Variants in CALD1 observed in about 807,000 individuals in gnomAD.
The protein encoded by CALD1 is caldesmon 1.
A neutral mutation model predicts 99.9 loss-of-function variants in CALD1; 33 were observed. The ratio of observed to expected loss-of-function variants is 0.33; its 90% CI spans 0.25 to 0.44. The LOEUF (loss-of-function observed/expected upper bound fraction) is 0.44. CALD1 is among the 20% of genes least tolerant of loss of function. CALD1 has a pLI of 1.00. For missense variants in CALD1, 861 were observed against 962.1 expected, an observed-to-expected ratio of 0.89 and a Z score of 1.39; for synonymous variants, 310 against 325.0, an observed-to-expected ratio of 0.95 and a Z score of 0.50.
At chr7:134,842,602 G>T (rs1490561146) in intron 1 of CALD1, among the ~76,000 whole-genome samples, 1 of 152,128 alleles carries the variant, frequency 6.6e-6, no homozygotes, top group Non-Finnish European at 1.5e-5. Flanking sequence ...TTTTGTAAAG[G>T]ATCCCTAATT....
intron 1 of CALD1, among the ~76,000 whole-genome samples, chr7:134,836,942 C>A (rs1239407022): frequency 6.6e-6 from 1 of 151,938 alleles, no homozygotes; most frequent in South Asian, 2.1e-4. Flanking sequence ...AATGATTGTC[C>A]AAGAGAAAGG....
chr7:134,924,611 A>T (rs1309634574), intron 3 of CALD1, among the ~76,000 whole-genome samples: 2 of 151,004 alleles, frequency 1.3e-5, no homozygotes, highest in Admixed American at 1.3e-4. Context: ...GTTATGATTG[A>T]AAATGCCATG....
rs570440555 is a variant in CALD1 at position 134,947,416 on chromosome 7, G to A, written c.1533-92G>A. 93 of 1,312,786 alleles carry A rather than the reference G, an allele frequency of 7.1e-5. No homozygotes were observed. In the South Asian group the frequency reaches 1.2e-3, roughly 17 times the overall value. 81.3% of individuals were successfully genotyped at this position (1,312,786 alleles called of 1,614,324 possible). Reference sequence around the variant, plus strand: ...ATGAGAGGCAGTGGGTATTTAGTCGGGGATGCAGAAGCCGCAGACCGACCT... The same window carrying A: ...ATGAGAGGCAGTGGGTATTTAGTCGAGGATGCAGAAGCCGCAGACCGACCT... On this transcript the variant is annotated intron_variant, in intron 7 of 14. Transcript: ENST00000361675.
chr7:134,753,373 G>T (rs1247305664), intron 1 of CALD1, among the ~76,000 whole-genome samples: 1 of 152,148 alleles, frequency 6.6e-6, no homozygotes, highest in African/African-American at 2.4e-5. Flanking sequence ...TGAATTCCCA[G>T]GATTCTCTAC....
At chr7:134,800,602 CTAAT>C (rs546712664) in intron 1 of CALD1, among the ~76,000 whole-genome samples, 96 of 151,790 alleles carry the variant, frequency 6.3e-4, no homozygotes, top group African/African-American at 2.1e-3. Context: ...ATATTTCTGT[CTAAT>C]TATCTTAAAG....
At chr7:134,903,829 C>T (rs541361332) in intron 3 of CALD1, among the ~76,000 whole-genome samples, 2 of 152,200 alleles carry the variant, frequency 1.3e-5, no homozygotes, top group South Asian at 2.1e-4. Flanking sequence ...GGAGTTAGGT[C>T]GTCCACATAT....
intron 3 of CALD1, among the ~76,000 whole-genome samples, chr7:134,879,139 A>G (rs975254927): frequency 6.6e-6 from 1 of 152,202 alleles, no homozygotes; most frequent in Non-Finnish European, 1.5e-5. Context: ...GTTGCTTTCA[A>G]GTCTTCCAAG....
rs192614177 is a variant in CALD1 at position 134,839,272 on chromosome 7, G to A, written c.-129-4612G>A. On this transcript the variant is annotated intron_variant, in intron 1 of 14. Transcript: ENST00000361675. ...TAGATCATTCTAATTGCTATATAGG[G>A]TTTCATTGTTTGCCTCCCACAATTT... is the stretch of plus-strand genomic sequence containing the variant. Among the ~76,000 whole-genome samples, 14 of 152,294 alleles carry A rather than the reference G, an allele frequency of 9.2e-5. No individual in the cohort carries two copies. The East Asian group carries it at 2.7e-3, about 29-fold the overall frequency.
rs767141301 is a variant in CALD1 at position 134,867,793 on chromosome 7, C to T, written c.60C>T (p.Leu20=). 3.7e-5 allele frequency: 59 copies of T among 1,601,158 alleles called. No individual in the cohort carries two copies. The Admixed American group carries it at 6.2e-4, about 17-fold the overall frequency. ...LRRQKREEMR[L]EAERIAYQRN... is the part of the protein sequence containing the mutation. Reference sequence around the variant, plus strand: ...GGCAAAAGAGGGAGGAGATGCGACTCGAAGCAGAAAGGTAAGGATCTAGGG... The same window carrying T: ...GGCAAAAGAGGGAGGAGATGCGACTTGAAGCAGAAAGGTAAGGATCTAGGG... The change falls in exon 3 of 15, where the codon CTC becomes CTT. Residue 20 remains leucine (L), a synonymous_variant. Coordinates refer to ENST00000361675, the MANE Select transcript of CALD1 (RefSeq NM_033138.4).
intron 7 of CALD1, chr7:134,944,485 G>A (rs1227677337): frequency 6.6e-6 from 1 of 150,922 alleles, no homozygotes; most frequent in Non-Finnish European, 1.5e-5. Context: ...GAGGACACAG[G>A]ATATTCAGAA....
chr7:134,748,602 T>A (rs530350635), intron 1 of CALD1, among the ~76,000 whole-genome samples: 1 of 152,146 alleles, frequency 6.6e-6, no homozygotes, highest in South Asian at 2.1e-4. Context: ...TCCCAGCTAC[T>A]GAGGAGGCTG....
At chr7:134,856,874 C>T (rs1462415365) in intron 2 of CALD1, among the ~76,000 whole-genome samples, 1 of 152,194 alleles carries the variant, frequency 6.6e-6, no homozygotes, top group Non-Finnish European at 1.5e-5. Context: ...ATTTGTTTAA[C>T]AACTAAGTTC....
chr7:134,896,560 T>G (rs960926894), intron 3 of CALD1, among the ~76,000 whole-genome samples: 3 of 152,192 alleles, frequency 2.0e-5, no homozygotes, highest in African/African-American at 7.2e-5. Flanking sequence ...GGTCTTGACC[T>G]TCTGTATATG....
chr7:134,758,233 A>T (rs1397146815), intron 1 of CALD1, among the ~76,000 whole-genome samples: 12 of 152,186 alleles, frequency 7.9e-5, no homozygotes, highest in Non-Finnish European at 1.6e-4. Flanking sequence ...AGACTTATGG[A>T]TTGTTAGAAC....
chr7:134,849,129 G>A (rs1450388655), intron 2 of CALD1, among the ~76,000 whole-genome samples: 2 of 152,016 alleles, frequency 1.3e-5, no homozygotes, highest in African/African-American at 4.8e-5. Flanking sequence ...CATTGGCTTC[G>A]TCTTGGCAAA....
chr7:134,738,338 C>T, the CALD1 span, among the ~76,000 whole-genome samples: 504 of 152,254 alleles, frequency 3.3e-3, 2 homozygotes, highest in Admixed American at 6.3e-3. Flanking sequence ...TATATTTGAT[C>T]CTCAAATCCT....
At chr7:134,819,502 C>A (rs1798687836) in intron 1 of CALD1, among the ~76,000 whole-genome samples, 1 of 152,206 alleles carries the variant, frequency 6.6e-6, no homozygotes, top group Admixed American at 6.5e-5. Context: ...GTCTAGCACA[C>A]AGGAAATGCT....
the CALD1 span, among the ~76,000 whole-genome samples, chr7:134,717,988 A>C: frequency 3.9e-5 from 6 of 152,218 alleles, no homozygotes; most frequent in Non-Finnish European, 5.9e-5. Context: ...TGGAAAAAAA[A>C]CAATACTAAC....
chr7:134,958,218 C>A lies in CALD1; in HGVS notation c.1989C>A (p.Val663=). The change falls in exon 11 of 15, where the codon GTC becomes GTA. Residue 663 remains valine, a synonymous_variant. Transcript: ENST00000361675. ...GTGTTTACTTTTTTAGCAGTGGTGTCAAATCGACCCATCAAGCAGCAATAG... is the reference window on the plus strand; with the variant it reads ...GTGTTTACTTTTTTAGCAGTGGTGTAAAATCGACCCATCAAGCAGCAATAG... The part of the protein sequence containing the change: ...LNKSVQKSSG[V]KSTHQAAIVS... 6.2e-7 allele frequency: 1 copy of A among 1,613,832 alleles called. No homozygotes were observed. Among genetic ancestry groups the A allele is most frequent in the Non-Finnish European group, 8.5e-7 (1 of 1,179,948 alleles).
Sources: gnomAD v4.1 joint callset for allele counts (sites outside exome capture counted in the v4.1 genomes callset) on GRCh38, gnomAD v4.1.1 for gene constraint, MANE v1.5 for transcripts, NCBI Gene and HGNC (gene_info 2026-07-23, HGNC 2026-07-21) for gene names.